Variants in ANAPC10 observed in about 807,000 individuals in gnomAD.
ANAPC10 encodes the protein anaphase-promoting complex subunit 10.
ANAPC10 carries 12 observed loss-of-function variants against 22.0 expected under a neutral mutation model. The ratio of observed to expected loss-of-function variants is 0.55; its 90% CI spans 0.35 to 0.88. The LOEUF (loss-of-function observed/expected upper bound fraction) is 0.88. Among genes scored for constraint, ANAPC10 ranks in the 40% least tolerant of loss-of-function variants. The pLI is 0.01. For missense variants in ANAPC10, 188 were observed against 220.9 expected (o/e 0.85, Z 0.94); for synonymous variants, 65 against 69.5 (o/e 0.94, Z 0.32).
At chr4:145,016,295 C>G (rs901372183) in intron 4 of ANAPC10, among the ~76,000 whole-genome samples, 1 of 152,112 alleles carries the variant, frequency 6.6e-6, no homozygotes, top group East Asian at 1.9e-4. Context: ...AATCAATGTG[C>G]AAAAATCACA....
chr4:145,069,555 C>G (rs1744191058), intron 3 of ANAPC10, among the ~76,000 whole-genome samples: 1 of 152,156 alleles, frequency 6.6e-6, no homozygotes, highest in Non-Finnish European at 1.5e-5. Context: ...GTGGTAAGTC[C>G]TCTTCAAATA....
At chr4:145,016,624 A>C (rs1234539203) in intron 4 of ANAPC10, among the ~76,000 whole-genome samples, 7 of 152,250 alleles carry the variant, frequency 4.6e-5, no homozygotes, top group Non-Finnish European at 7.3e-5. Flanking sequence ...AAACTACTTT[A>C]AAGTTCATAT....
At chr4:145,032,439 T>C (rs1737750656) in intron 4 of ANAPC10, among the ~76,000 whole-genome samples, 1 of 152,206 alleles carries the variant, frequency 6.6e-6, no homozygotes, top group Non-Finnish European at 1.5e-5. Context: ...AAGAGGTATG[T>C]GGATGGGCCT....
chr4:145,062,813 C>T (rs916030836), intron 4 of ANAPC10, among the ~76,000 whole-genome samples: 5 of 151,814 alleles, frequency 3.3e-5, no homozygotes, highest in South Asian at 2.1e-4. Flanking sequence ...GTATATATAC[C>T]CAATGGAATA....
chr4:145,063,668 A>G (rs929091749), intron 4 of ANAPC10, among the ~76,000 whole-genome samples: 1 of 152,156 alleles, frequency 6.6e-6, no homozygotes, highest in Non-Finnish European at 1.5e-5. Flanking sequence ...TATGTAGTTC[A>G]AAGTCATTGA....
At chr4:145,045,629 C>G (rs1220440055) in intron 4 of ANAPC10, among the ~76,000 whole-genome samples, 1 of 151,988 alleles carries the variant, frequency 6.6e-6, no homozygotes, top group African/African-American at 2.4e-5. Context: ...TTTCATATCA[C>G]TTCTAACCCA....
chr4:145,097,466 T>G, intron 1 of ANAPC10: 2 of 1,286,672 alleles, frequency 1.6e-6, no homozygotes, highest in Non-Finnish European at 2.0e-6. Context: ...ATATATGCTA[T>G]TCAAAATAGG....
At chr4:145,030,678 T>C (rs1201686147) in intron 4 of ANAPC10, among the ~76,000 whole-genome samples, 1 of 152,202 alleles carries the variant, frequency 6.6e-6, no homozygotes, top group African/African-American at 2.4e-5. Flanking sequence ...ACTTAGCAGC[T>C]GGCAGAACCC....
chr4:145,021,525 C>T (rs978747170), intron 4 of ANAPC10, among the ~76,000 whole-genome samples: 2 of 152,092 alleles, frequency 1.3e-5, no homozygotes, highest in Admixed American at 6.6e-5. Context: ...AAAATCAACT[C>T]AAGATGGCTT....
At chr4:145,095,209 A>T (rs1046947577) in intron 2 of ANAPC10, among the ~76,000 whole-genome samples, 3 of 152,250 alleles carry the variant, frequency 2.0e-5, no homozygotes, top group African/African-American at 7.2e-5. Context: ...CTGCAGTTTC[A>T]TCTCCGCAGT....
rs1312893151 is a variant in ANAPC10 at position 145,054,634 on chromosome 4, TGTGTGTGCGC to T, written c.327+9928_327+9937del. ...GTGTGTGTGTGTGTGTGTGTGTGTG[TGTGTGTGCGC>T]GCGCGCGCGCGTGCGTGCAGCGCAT... On this transcript the variant is annotated intron_variant, in intron 4 of 4. Transcript: ENST00000507656. Among the ~76,000 whole-genome samples, 8 of 101,414 alleles carry T rather than the reference TGTGTGTGCGC, an allele frequency of 7.9e-5. No homozygotes were observed. The South Asian group carries it at 9.8e-4, about 12-fold the overall frequency. The allele number at this position is 101,414 out of a possible 152,430, so 66.5% of individuals were successfully genotyped here.
intron 3 of ANAPC10, among the ~76,000 whole-genome samples, chr4:145,081,306 G>T (rs971310999): frequency 1.3e-5 from 2 of 150,964 alleles, no homozygotes; most frequent in Non-Finnish European, 2.9e-5. Flanking sequence ...AAAAACTTAC[G>T]ATCACTCCAG....
chr4:145,026,106 T>C (rs1173952155), intron 4 of ANAPC10, among the ~76,000 whole-genome samples: 1 of 152,232 alleles, frequency 6.6e-6, no homozygotes, highest in Non-Finnish European at 1.5e-5. Flanking sequence ...GGCAGATCAC[T>C]TTGTAGTTTC....
chr4:145,005,337 T>A (rs1479319011), intron 4 of ANAPC10, among the ~76,000 whole-genome samples: 1 of 152,182 alleles, frequency 6.6e-6, no homozygotes, highest in African/African-American at 2.4e-5. Flanking sequence ...CATTTCTGAC[T>A]GTATTTTGGA....
chr4:145,041,549 T>C (rs1739523858), intron 4 of ANAPC10, among the ~76,000 whole-genome samples: 1 of 152,232 alleles, frequency 6.6e-6, no homozygotes. Context: ...TCAGACATCG[T>C]AGGCCCTTAG....
chr4:145,042,202 A>G (rs1432202860), intron 4 of ANAPC10, among the ~76,000 whole-genome samples: 1 of 152,162 alleles, frequency 6.6e-6, no homozygotes, highest in African/African-American at 2.4e-5. Flanking sequence ...TCAGTAGCAT[A>G]AGAGTAAAAA....
intron 4 of ANAPC10, among the ~76,000 whole-genome samples, chr4:145,011,309 C>T (rs1276693927): frequency 7.8e-6 from 1 of 128,560 alleles, no homozygotes; most frequent in Non-Finnish European, 1.8e-5. Context: ...TGTACTCTGG[C>T]CTGGATGACA....
chr4:145,000,750 T>C (rs1322656853), intron 4 of ANAPC10, among the ~76,000 whole-genome samples: 1 of 152,200 alleles, frequency 6.6e-6, no homozygotes, highest in Admixed American at 6.5e-5. Context: ...CATGCACACG[T>C]TTATTGTGGC....
At chr4:145,038,492 G>A (rs1646217138) in intron 4 of ANAPC10, among the ~76,000 whole-genome samples, 2 of 152,070 alleles carry the variant, frequency 1.3e-5, no homozygotes, top group South Asian at 4.1e-4. Flanking sequence ...CACCCTGGAT[G>A]ACAGAGTGAG....
Sources: gnomAD v4.1 joint callset for allele counts (sites outside exome capture counted in the v4.1 genomes callset) on GRCh38, gnomAD v4.1.1 for gene constraint, MANE v1.5 for transcripts, NCBI Gene and HGNC (gene_info 2026-07-23, HGNC 2026-07-21) for gene names.